The following CFAP97 variants were observed in gnomAD, a reference collection of about 807,000 sequenced individuals.
The protein encoded by CFAP97 is cilia and flagella associated protein 97, also known as cilia- and flagella-associated protein 97.
Under a neutral mutation model 43.1 loss-of-function variants are expected in CFAP97, and 36 were observed. That is an observed-to-expected ratio of 0.84 (90% CI 0.64 to 1.10). The LOEUF (loss-of-function observed/expected upper bound fraction) is 1.10, where lower values mean the gene tolerates loss of function less well. CFAP97 is among the 50% of genes least tolerant of loss of function. The pLI is 0.00. For missense variants in CFAP97, 657 were observed against 620.3 expected (o/e 1.06, Z -0.63); for synonymous variants, 228 against 225.7 (o/e 1.01, Z -0.09).
upstream of CFAP97, among the ~76,000 whole-genome samples, chr4:185,205,453 CAA>C (rs1161922728): frequency 3.1e-5 from 4 of 127,442 alleles, no homozygotes; most frequent in African/African-American, 2.9e-5. Flanking sequence ...GACTGTGTCT[CAA>C]AAAAAAAAAA....
chr4:185,168,289 T>G (rs1735148283), intron 3 of CFAP97, among the ~76,000 whole-genome samples: 1 of 39,770 alleles, frequency 2.5e-5, no homozygotes, highest in Admixed American at 4.0e-4. Flanking sequence ...CCAAAAGAGT[T>G]TGCCCACTTT....
intron 1 of CFAP97, among the ~76,000 whole-genome samples, chr4:185,202,216 A>C (rs902498773): frequency 6.6e-6 from 1 of 152,088 alleles, no homozygotes; most frequent in Admixed American, 6.5e-5. Context: ...TTTGCTACCC[A>C]CGAGGGTAGA....
rs908858329 is a variant in CFAP97 at position 185,194,231 on chromosome 4, G to A, written c.-16-3019C>T. ...AGGCCAGGCGCAGTGGCTCACGCCT[G>A]TAATCCCAACACTTTGGGAAGCCGA... On this transcript the variant is annotated intron_variant, in intron 1 of 4. Transcript: ENST00000458385. Among the ~76,000 whole-genome samples the A allele has an allele frequency of 5.3e-5, 8 of 152,294 alleles. No homozygotes were observed. In the South Asian group the frequency reaches 1.5e-3, roughly 28 times the overall value.
chr4:185,173,905 T>C (rs1407788925), intron 3 of CFAP97, among the ~76,000 whole-genome samples: 2 of 152,194 alleles, frequency 1.3e-5, no homozygotes, highest in Non-Finnish European at 2.9e-5. Flanking sequence ...TATACATTAC[T>C]ACAACTTAAT....
upstream of CFAP97, among the ~76,000 whole-genome samples, chr4:185,206,227 C>G (rs1006596756): frequency 1.3e-5 from 2 of 152,130 alleles, no homozygotes; most frequent in African/African-American, 4.8e-5. Flanking sequence ...AGCAGAATAG[C>G]CAAAAGGCGG....
At chr4:185,199,717 A>G (rs1376191149) in intron 1 of CFAP97, among the ~76,000 whole-genome samples, 1 of 152,190 alleles carries the variant, frequency 6.6e-6, no homozygotes, top group African/African-American at 2.4e-5. Flanking sequence ...AATTATGCTA[A>G]ATCTACTCTG....
Position 185,162,921 on chromosome 4 carries a change from A to C in CFAP97, c.1476T>G (p.Ala492=). ...CACTCGTAGCACTGGATGTCCTGGA[A>C]GCTCCTGAAAATATAAAAAGAAGAA... is the stretch of plus-strand genomic sequence containing the variant. ...STLGQYSPLR[A]SRTSSATSGL... The change falls in exon 5 of 5, where the codon GCT becomes GCG. Residue 492 remains alanine (A), a synonymous_variant. Coordinates refer to ENST00000458385, the MANE Select transcript of CFAP97 (RefSeq NM_020827.3). 6.4e-7 allele frequency: 1 copy of C among 1,554,584 alleles called. No homozygotes were observed. The highest frequency in any genetic ancestry group is 8.6e-7 in the Non-Finnish European group (1 of 1,157,932).
chr4:185,178,481 G>A (rs1735649704), intron 2 of CFAP97, among the ~76,000 whole-genome samples: 1 of 151,944 alleles, frequency 6.6e-6, no homozygotes. Flanking sequence ...CTGACCTCAG[G>A]TGATCCACCT....
chr4:185,206,423 C>T (rs544807873), upstream of CFAP97, among the ~76,000 whole-genome samples: 6 of 152,190 alleles, frequency 3.9e-5, no homozygotes, highest in East Asian at 1.2e-3. Context: ...GTAATCCCAG[C>T]ACTTTGGGAG....
intron 3 of CFAP97, among the ~76,000 whole-genome samples, chr4:185,172,005 G>A (rs1735324212): frequency 6.6e-6 from 1 of 152,190 alleles, no homozygotes; most frequent in Non-Finnish European, 1.5e-5. Context: ...CTCCCAAAAT[G>A]CTGGGATTAC....
chr4:185,193,646 C>G (rs1336863926), intron 1 of CFAP97, among the ~76,000 whole-genome samples: 1 of 152,102 alleles, frequency 6.6e-6, no homozygotes, highest in Non-Finnish European at 1.5e-5. Flanking sequence ...GAGACTGTGT[C>G]TTAAAAACAA....
intron 2 of CFAP97, among the ~76,000 whole-genome samples, chr4:185,187,590 C>G (rs1736055985): frequency 6.6e-6 from 1 of 152,012 alleles, no homozygotes; most frequent in Admixed American, 6.6e-5. Context: ...CACAGCAATG[C>G]AAGTGCCTCA....
chr4:185,163,388 G>A (rs371133324), intron 4 of CFAP97, among the ~76,000 whole-genome samples: 11 of 151,996 alleles, frequency 7.2e-5, no homozygotes, highest in Admixed American at 5.2e-4. Flanking sequence ...GGCATCGGGC[G>A]GTTTGGTATT....
chr4:185,173,393 G>T (rs555754934), intron 3 of CFAP97, among the ~76,000 whole-genome samples: 5 of 150,098 alleles, frequency 3.3e-5, no homozygotes, highest in Non-Finnish European at 1.5e-5. Flanking sequence ...GTAAACCCAG[G>T]TTCCTTAAAA....
chr4:185,189,993 AAAAT>A (rs1736160167), intron 2 of CFAP97, 146 bp downstream of exon 2: 1 of 569,288 alleles, frequency 1.8e-6, no homozygotes, highest in South Asian at 3.7e-5. Flanking sequence ...TTTTTATGGT[AAAAT>A]AGAGTATTTG....
chr4:185,201,274 C>T (rs1052105919), intron 1 of CFAP97, among the ~76,000 whole-genome samples: 1 of 148,218 alleles, frequency 6.7e-6, no homozygotes, highest in Non-Finnish European at 1.5e-5. Context: ...TGCAGTGAGC[C>T]CAGATCACAC....
intron 2 of CFAP97, among the ~76,000 whole-genome samples, chr4:185,189,560 A>G (rs1736140757): frequency 6.6e-6 from 1 of 152,248 alleles, no homozygotes; most frequent in Non-Finnish European, 1.5e-5. Context: ...TAATAAACTG[A>G]TAAGAAACAA....
intron 1 of CFAP97, among the ~76,000 whole-genome samples, chr4:185,197,484 G>A (rs912221646): frequency 6.6e-6 from 1 of 150,968 alleles, no homozygotes; most frequent in Non-Finnish European, 1.5e-5. Flanking sequence ...GGAGCGCAGT[G>A]GCGCGTGATC....
At chr4:185,173,282 G>C (rs1004822437) in intron 3 of CFAP97, among the ~76,000 whole-genome samples, 11 of 150,060 alleles carry the variant, frequency 7.3e-5, no homozygotes, top group Admixed American at 3.4e-4. Flanking sequence ...AGAATCGCTT[G>C]AACCTGGGAG....
Sources: gnomAD v4.1 joint callset for allele counts (sites outside exome capture counted in the v4.1 genomes callset) on GRCh38, gnomAD v4.1.1 for gene constraint, MANE v1.5 for transcripts, NCBI Gene and HGNC (gene_info 2026-07-23, HGNC 2026-07-21) for gene names.